The following ROBO1 variants were observed in gnomAD, a reference collection of about 807,000 sequenced individuals.
ROBO1 encodes the protein roundabout guidance receptor 1.
A neutral mutation model predicts 195.9 loss-of-function variants in ROBO1; 149 were observed. The observed-to-expected ratio is 0.76, with a 90% CI of 0.67 to 0.87. ROBO1 has a LOEUF of 0.87. ROBO1 is among the 40% of genes least tolerant of loss of function. ROBO1 has a pLI of 0.00. For missense variants in ROBO1, 1,933 were observed against 2,068.3 expected (o/e 0.93, Z 1.27); for synonymous variants, 816 against 733.2 (o/e 1.11, Z -1.82).
chr3:79,268,958 C>G (rs1384268130), intron 2 of ROBO1, among the ~76,000 whole-genome samples: 1 of 151,506 alleles, frequency 6.6e-6, no homozygotes, highest in Non-Finnish European at 1.5e-5. Flanking sequence ...CAACATTAAC[C>G]CTTATCATTA....
chr3:79,573,727 G>A (rs764583916), intron 2 of ROBO1, among the ~76,000 whole-genome samples: 1 of 152,042 alleles, frequency 6.6e-6, no homozygotes, highest in Non-Finnish European at 1.5e-5. Flanking sequence ...TTTAATTTCT[G>A]CAGCCACCTC....
chr3:78,841,643 A>C (rs1217353585), intron 4 of ROBO1, among the ~76,000 whole-genome samples: 2 of 152,178 alleles, frequency 1.3e-5, no homozygotes, highest in Non-Finnish European at 2.9e-5. Flanking sequence ...GTAATCAATA[A>C]ACTTAATTAC....
intron 3 of ROBO1, among the ~76,000 whole-genome samples, chr3:79,023,853 G>T (rs928283907): frequency 7.3e-5 from 11 of 151,306 alleles, no homozygotes; most frequent in Non-Finnish European, 1.5e-4. Context: ...ACAGGTGCTG[G>T]CCACCACACC....
intron 2 of ROBO1, among the ~76,000 whole-genome samples, chr3:79,328,703 G>A (rs1576981947): frequency 1.3e-5 from 2 of 152,016 alleles, no homozygotes; most frequent in Non-Finnish European, 2.9e-5. Flanking sequence ...GGTAATTTCT[G>A]AGATTTTGAT....
chr3:78,740,170 TCTC>T (rs1341907846), intron 5 of ROBO1, among the ~76,000 whole-genome samples: 3 of 152,006 alleles, frequency 2.0e-5, no homozygotes, highest in Non-Finnish European at 2.9e-5. Context: ...ATCATCATCA[TCTC>T]CTTCTTCTTC....
chr3:79,411,951 C>G (rs2037785638), intron 2 of ROBO1, among the ~76,000 whole-genome samples: 2 of 152,086 alleles, frequency 1.3e-5, no homozygotes, highest in South Asian at 4.1e-4. Context: ...CTTGACCCAG[C>G]TTTCGTTCTG....
At chr3:79,324,834 G>A (rs890111380) in intron 2 of ROBO1, among the ~76,000 whole-genome samples, 1 of 152,200 alleles carries the variant, frequency 6.6e-6, no homozygotes, top group African/African-American at 2.4e-5. Context: ...TTTACGTTCT[G>A]ATGTATGCTT....
At chr3:78,818,572 A>C (rs1251722070) in intron 4 of ROBO1, among the ~76,000 whole-genome samples, 1 of 152,224 alleles carries the variant, frequency 6.6e-6, no homozygotes, top group African/African-American at 2.4e-5. Context: ...GGCCAACGGA[A>C]GTACACGCAG....
In ROBO1 at chr3:79,664,188, ATT is replaced by A. The variant is rs1046313348; in HGVS notation, c.-50-74229_-50-74228del. ...GTGTCTTTCCTCTATTAGTCTGGAA[ATT>A]GCTAGGGGTCAATGATCACCTCTTA... On this transcript the variant is annotated intron_variant, in intron 1 of 30. Transcript: ENST00000464233. 1.2e-3 allele frequency among the ~76,000 whole-genome samples: 177 copies of A among 152,158 alleles called. 2 individuals carry two copies. The highest frequency in any genetic ancestry group is 3.9e-3 in the African/African-American group (163 of 41,544).
chr3:79,210,417 A>G (rs1341926549), intron 2 of ROBO1, among the ~76,000 whole-genome samples: 1 of 152,182 alleles, frequency 6.6e-6, no homozygotes, highest in Non-Finnish European at 1.5e-5. Context: ...AAAGTGGGGA[A>G]AGGACACCCT....
At chr3:79,635,901 T>C (rs930830978) in intron 1 of ROBO1, among the ~76,000 whole-genome samples, 5 of 152,206 alleles carry the variant, frequency 3.3e-5, no homozygotes, top group African/African-American at 1.2e-4. Context: ...TGAGATACAA[T>C]ACATATATCC....
intron 3 of ROBO1, among the ~76,000 whole-genome samples, chr3:78,983,795 C>T (rs1293134371): frequency 3.9e-5 from 6 of 152,102 alleles, no homozygotes; most frequent in African/African-American, 1.2e-4. Flanking sequence ...GAGAAACTAG[C>T]GCCATCTTGG....
rs867230277 is a variant in ROBO1 at position 78,833,409 on chromosome 3, T to A, written c.500-86509A>T. ...TAAAAAATACTGAAGAAAAAGAGAT[T>A]TAATCTTTTTAAAATTAATTGTATG... On this transcript the variant is annotated intron_variant, in intron 4 of 30. Transcript: ENST00000464233. 2.0e-5 allele frequency among the ~76,000 whole-genome samples: 3 copies of A among 152,156 alleles called. No individual in the cohort carries two copies. In the South Asian group the frequency reaches 6.2e-4, roughly 31 times the overall value.
chr3:78,748,402 G>A (rs1334260522), intron 4 of ROBO1, among the ~76,000 whole-genome samples: 1 of 151,808 alleles, frequency 6.6e-6, no homozygotes, highest in East Asian at 1.9e-4. Flanking sequence ...CTGAGATCGT[G>A]CCATTGCACG....
At chr3:79,350,742 A>G (rs1023192647) in intron 2 of ROBO1, among the ~76,000 whole-genome samples, 4 of 152,206 alleles carry the variant, frequency 2.6e-5, no homozygotes, top group Non-Finnish European at 5.9e-5. Context: ...AGGCAAATCT[A>G]TATAGACAGA....
rs956437892 is a variant in ROBO1 at position 78,916,605 on chromosome 3, T to A, written c.499+21996A>T. Among the ~76,000 whole-genome samples, 3 of 152,078 alleles carry A rather than the reference T, an allele frequency of 2.0e-5. No homozygotes were observed. In the South Asian group the frequency reaches 6.2e-4, roughly 31 times the overall value. The stretch of plus-strand genomic sequence containing the variant: ...AATGGAATTAGTAAGCAATACTGTT[T>A]TTTTATTTATGTAATCTTTTATCAA... On this transcript the variant is annotated intron_variant, in intron 4 of 30. Transcript: ENST00000464233.
chr3:79,037,629 G>A (rs758363904), intron 3 of ROBO1, among the ~76,000 whole-genome samples: 1 of 151,896 alleles, frequency 6.6e-6, no homozygotes, highest in Non-Finnish European at 1.5e-5. Flanking sequence ...AGATATAGTC[G>A]GCTCTTAATG....
intron 2 of ROBO1, among the ~76,000 whole-genome samples, chr3:79,372,293 GC>G (rs2109342007): frequency 6.6e-6 from 1 of 150,558 alleles, no homozygotes; most frequent in Admixed American, 6.6e-5. Flanking sequence ...TGCAACCTCC[GC>G]CTCCCGGGTT....
At chr3:79,398,802 T>C (rs13069129) in intron 2 of ROBO1, among the ~76,000 whole-genome samples, 1 of 152,120 alleles carries the variant, frequency 6.6e-6, no homozygotes, top group Admixed American at 6.6e-5. Context: ...TCAACTTTTT[T>C]AAAAAAGGTT....
Sources: gnomAD v4.1 joint callset for allele counts (sites outside exome capture counted in the v4.1 genomes callset) on GRCh38, gnomAD v4.1.1 for gene constraint, MANE v1.5 for transcripts, NCBI Gene and HGNC (gene_info 2026-07-23, HGNC 2026-07-21) for gene names.